HIGD2A: variants seen among roughly 807,000 people sequenced by gnomAD.
HIGD2A encodes HIG1 hypoxia inducible domain family member 2A, also known as HIG1 domain family member 2A, mitochondrial.
A neutral mutation model predicts 6.3 loss-of-function variants in HIGD2A; 4 were observed. The observed-to-expected ratio is 0.64, with a 90% CI of 0.31 to 1.46. The LOEUF is 1.46. Ranked by LOEUF, HIGD2A falls within the 40% of genes most tolerant of loss-of-function variation. The pLI is 0.07. For synonymous variants in HIGD2A, 63 were observed against 59.3 expected (o/e 1.06, Z -0.29); for missense variants, 143 against 144.8 (o/e 0.99, Z 0.06).
Position 176,389,501 on chromosome 5 carries a change from C to T in HIGD2A, c.*4C>T, listed in dbSNP as rs1287711042. On this transcript the variant is annotated 3_prime_UTR_variant, in exon 2 of 2. Coordinates refer to ENST00000274787, the MANE Select transcript of HIGD2A (RefSeq NM_138820.4). ...TGCTATGAAGTCTCGACCCTAAGCC[C>T]AGGGTCTGGCCTTGAAAGCTCCGCA... The T allele has an allele frequency of 1.2e-6, 2 of 1,610,490 alleles. No individual in the cohort carries two copies. Among genetic ancestry groups the T allele is most frequent in the South Asian group, 1.1e-5 (1 of 90,698 alleles).
intron 1 of HIGD2A, 93 bp from the exon 2 acceptor site, chr5:176,389,238 A>G (rs1345062806): frequency 8.4e-6 from 12 of 1,422,054 alleles, no homozygotes; most frequent in African/African-American, 1.4e-5. Context: ...GCTGTGATCC[A>G]GAGATCTTGG....
At chr5:176,389,308 C>T in intron 1 of HIGD2A, 23 bp from the exon 2 acceptor site, 1 of 1,602,008 alleles carries the variant, frequency 6.2e-7, no homozygotes, top group Non-Finnish European at 8.5e-7. Flanking sequence ...TGCTGTTTCC[C>T]AGTTGCTTTG....
rs1009817545 is a variant in HIGD2A, at chr5:176,389,644, C to T, written c.*147C>T. The T allele has an allele frequency of 4.7e-6, 4 of 844,228 alleles. No homozygotes were observed. The African/African-American group carries it at 6.9e-5, about 15-fold the overall frequency. 52.3% of individuals were successfully genotyped at this position (844,228 alleles called of 1,614,324 possible). A position where few individuals can be genotyped will look rare whatever the true frequency, so the allele number is the denominator to read the frequency against. ...GAAGTGACCCTTTGTGTAACTGTAA[C>T]CGAAAGTTTTTTCAAAAATCCTAGA... On this transcript the variant is annotated 3_prime_UTR_variant, in exon 2 of 2. Transcript: ENST00000274787.
Position 176,389,351 on chromosome 5 carries a change from G to C in HIGD2A, c.175G>C (p.Ala59Pro), listed in dbSNP as rs762897200. 5.6e-6 allele frequency: 9 copies of C among 1,613,504 alleles called. No individual in the cohort carries two copies. The highest frequency in any genetic ancestry group is 6.8e-6 in the Non-Finnish European group (8 of 1,179,746). ...CTCAGGTTGCCTGGCCACGGCGGCC[G>C]CCCTCACCTACGGCCTCTACTCCTT... The part of the protein sequence containing the change: ...VPIGCLATAA[A>P]LTYGLYSFHR... Residue 59 changes from alanine to proline, a missense_variant, in exon 2 of 2, where the codon GCC becomes CCC. Transcript: ENST00000274787.
intron 1 of HIGD2A, 90 bp downstream of exon 1, chr5:176,389,063 G>A: frequency 6.6e-7 from 1 of 1,514,232 alleles, no homozygotes; most frequent in Admixed American, 1.7e-5. Context: ...AGCGGGGAGC[G>A]GAAGGAGAGC....
rs766498061 is a variant in HIGD2A, at chr5:176,389,352, C to T, written c.176C>T (p.Ala59Val). ...TCAGGTTGCCTGGCCACGGCGGCCGCCCTCACCTACGGCCTCTACTCCTTC... is the reference window on the plus strand; with the variant it reads ...TCAGGTTGCCTGGCCACGGCGGCCGTCCTCACCTACGGCCTCTACTCCTTC... ...VPIGCLATAAALTYGLYSFHR... is the reference protein window; with the variant it reads ...VPIGCLATAAVLTYGLYSFHR... The change falls in exon 2 of 2, where the codon GCC becomes GTC. Residue 59 changes from alanine (A) to valine (V), a missense_variant. Ala to Val is a moderately conservative substitution (Grantham distance 64, BLOSUM62 0). Coordinates refer to ENST00000274787, the MANE Select transcript of HIGD2A (RefSeq NM_138820.4). 16 of 1,613,722 alleles carry T rather than the reference C, an allele frequency of 9.9e-6. No homozygotes were observed. The highest frequency in any genetic ancestry group is 1.3e-5 in the Non-Finnish European group (15 of 1,179,802).
At position 176,388,904 on chromosome 5, in the gene HIGD2A, T is replaced by A; in HGVS notation, c.85T>A (p.Tyr29Asn). Reference sequence around the variant, plus strand: ...CATTGAGGGGCTGAGCCCCACTGTTTACAGGAATCCAGAGAGTTTCAAGGA... The same window carrying A: ...CATTGAGGGGCTGAGCCCCACTGTTAACAGGAATCCAGAGAGTTTCAAGGA... Reference protein sequence around the residue: ...PVIEGLSPTVYRNPESFKEKF... With the variant: ...PVIEGLSPTVNRNPESFKEKF... The change falls in exon 1 of 2, where the codon TAC becomes AAC. Residue 29 changes from tyrosine to asparagine, a missense_variant. Transcript: ENST00000274787. 1 of 1,614,136 alleles carries A rather than the reference T, an allele frequency of 6.2e-7. No individual in the cohort carries two copies. Among genetic ancestry groups the A allele is most frequent in the Non-Finnish European group, 8.5e-7 (1 of 1,180,028 alleles).
Position 176,388,861 on chromosome 5 carries a change from A to G in HIGD2A, c.42A>G (p.Glu14=), listed in dbSNP as rs1756126016. The G allele has an allele frequency of 6.2e-7, 1 of 1,614,024 alleles. No individual in the cohort carries two copies. The highest frequency in any genetic ancestry group is 8.5e-7 in the Non-Finnish European group (1 of 1,179,996). The change falls in exon 1 of 2, where the codon GAA becomes GAG. Residue 14 remains glutamate (E), a synonymous_variant. Coordinates refer to ENST00000274787, the MANE Select transcript of HIGD2A (RefSeq NM_138820.4). ...CTGTGATTCCGGAGGTCCCCTTTGA[A>G]CCATCGAAGCCTCCAGTCATTGAGG... is the stretch of plus-strand genomic sequence containing the variant. The part of the protein sequence containing the change: ...PGPVIPEVPF[E]PSKPPVIEGL...
chr5:176,389,524 G>A lies in HIGD2A; in HGVS notation c.*27G>A, dbSNP rs1224216532. The A allele has an allele frequency of 6.3e-7, 1 of 1,588,640 alleles. No homozygotes were observed. The highest frequency in any genetic ancestry group is 2.3e-5 in the East Asian group (1 of 44,378). On this transcript the variant is annotated 3_prime_UTR_variant, in exon 2 of 2. Coordinates refer to ENST00000274787, the MANE Select transcript of HIGD2A (RefSeq NM_138820.4). ...CCCAGGGTCTGGCCTTGAAAGCTCC[G>A]CAGAAATGATTCCAAAACCCAGGGA...
In HIGD2A at chr5:176,389,023, G is replaced by C. The variant is rs767376978; in HGVS notation, c.154+50G>C. The C allele has an allele frequency of 1.2e-6, 2 of 1,603,604 alleles. 1 individual carries two copies. The highest frequency in any genetic ancestry group is 4.5e-5 in the East Asian group (2 of 44,828). ...ACAAGGAGAGGACAGTGATGTCGGA[G>C]GGAAGGAAGTAGAGAAGGACCAGAG... On this transcript the variant is annotated intron_variant, in intron 1 of 1. Transcript: ENST00000274787.
chr5:176,389,002 G>C, intron 1 of HIGD2A, 29 bp downstream of exon 1: 1 of 1,612,686 alleles, frequency 6.2e-7, no homozygotes. Flanking sequence ...AACTGCACAA[G>C]GAGAGGACAG....
Position 176,389,467 on chromosome 5 carries a change from G to A in HIGD2A, c.291G>A (p.Leu97=), listed in dbSNP as rs369990075. The change falls in exon 2 of 2, where the codon CTG becomes CTA. Residue 97 remains leucine (L), a synonymous_variant. Coordinates refer to ENST00000274787, the MANE Select transcript of HIGD2A (RefSeq NM_138820.4). ...GFTVAAILLG[L]AVTAMKSRP is the part of the protein sequence containing the mutation. ...CGGTCGCAGCCATCTTGCTGGGTCT[G>A]GCTGTCACTGCTATGAAGTCTCGAC... 3.1e-6 allele frequency: 5 copies of A among 1,614,058 alleles called. No homozygotes were observed. Among genetic ancestry groups the A allele is most frequent in the Non-Finnish European group, 4.2e-6 (5 of 1,179,972 alleles).
At position 176,389,644 on chromosome 5, in the gene HIGD2A, C is replaced by G. The variant is rs1009817545; in HGVS notation, c.*147C>G. Reference sequence around the variant, plus strand: ...GAAGTGACCCTTTGTGTAACTGTAACCGAAAGTTTTTTCAAAAATCCTAGA... The same window carrying G: ...GAAGTGACCCTTTGTGTAACTGTAAGCGAAAGTTTTTTCAAAAATCCTAGA... On this transcript the variant is annotated 3_prime_UTR_variant, in exon 2 of 2. Transcript: ENST00000274787. 4.7e-6 allele frequency: 4 copies of G among 844,350 alleles called. No individual in the cohort carries two copies. Among genetic ancestry groups the G allele is most frequent in the Non-Finnish European group, 7.0e-6 (4 of 568,052 alleles). The allele number at this position is 844,350 out of a possible 1,614,324, so 52.3% of individuals were successfully genotyped here. A position where few individuals can be genotyped will look rare whatever the true frequency, so the allele number is the denominator to read the frequency against.
Position 176,389,464 on chromosome 5 carries a change from T to G in HIGD2A, c.288T>G (p.Gly96=). 1 of 1,614,042 alleles carries G rather than the reference T, an allele frequency of 6.2e-7. No individual in the cohort carries two copies. Among genetic ancestry groups the G allele is most frequent in the Admixed American group, 1.7e-5 (1 of 60,022 alleles). ...QGFTVAAILL[G]LAVTAMKSRP is the part of the protein sequence containing the mutation. Reference sequence around the variant, plus strand: ...TCACGGTCGCAGCCATCTTGCTGGGTCTGGCTGTCACTGCTATGAAGTCTC... The same window carrying G: ...TCACGGTCGCAGCCATCTTGCTGGGGCTGGCTGTCACTGCTATGAAGTCTC... The change falls in exon 2 of 2, where the codon GGT becomes GGG. Residue 96 remains glycine, a synonymous_variant. Transcript: ENST00000274787.
At position 176,388,985 on chromosome 5, in the gene HIGD2A, C is replaced by T. The variant is rs1756137170; in HGVS notation, c.154+12C>T. 3 of 1,613,488 alleles carry T rather than the reference C, an allele frequency of 1.9e-6. No individual in the cohort carries two copies. Among genetic ancestry groups the T allele is most frequent in the East Asian group, 4.5e-5 (2 of 44,866 alleles). ...GGTGGTACCCATAGGTAAGTGGGTG[C>T]GGTAGGAACTGCACAAGGAGAGGAC... is the stretch of plus-strand genomic sequence containing the variant. On this transcript the variant is annotated intron_variant, in intron 1 of 1. Transcript: ENST00000274787.
chr5:176,389,286 C>T (rs750600000), intron 1 of HIGD2A, 45 bp from the exon 2 acceptor site: 3 of 1,578,838 alleles, frequency 1.9e-6, no homozygotes, highest in Non-Finnish European at 1.7e-6. Context: ...GAATGACCTG[C>T]GGGGCCCGAC....
chr5:176,388,974 G>A lies in HIGD2A; in HGVS notation c.154+1G>A, dbSNP rs1351632041. 1 of 1,613,888 alleles carries A rather than the reference G, an allele frequency of 6.2e-7. No individual in the cohort carries two copies. The highest frequency in any genetic ancestry group is 8.5e-7 in the Non-Finnish European group (1 of 1,179,954). On this transcript the variant is annotated splice_donor_variant, in intron 1 of 1. Transcript: ENST00000274787. LOFTEE classifies it high-confidence loss of function. Reference sequence around the variant, plus strand: ...CGCGAGAACCCGGTGGTACCCATAGGTAAGTGGGTGCGGTAGGAACTGCAC... The same window carrying A: ...CGCGAGAACCCGGTGGTACCCATAGATAAGTGGGTGCGGTAGGAACTGCAC...
In HIGD2A at chr5:176,389,451, C is replaced by G. The variant is rs1379788857; in HGVS notation, c.275C>G (p.Ala92Gly). The G allele has an allele frequency of 6.2e-7, 1 of 1,614,154 alleles. No individual in the cohort carries two copies. Among genetic ancestry groups the G allele is most frequent in the Admixed American group, 1.7e-5 (1 of 60,024 alleles). Reference protein sequence around the residue: ...RIAAQGFTVAAILLGLAVTAM... With the variant: ...RIAAQGFTVAGILLGLAVTAM... The stretch of plus-strand genomic sequence containing the variant: ...GCCGCCCAGGGTTTCACGGTCGCAG[C>G]CATCTTGCTGGGTCTGGCTGTCACT... The change falls in exon 2 of 2, where the codon GCC (alanine) becomes GGC (glycine). Residue 92 changes from alanine (A) to glycine (G), a missense_variant. Coordinates refer to ENST00000274787, the MANE Select transcript of HIGD2A (RefSeq NM_138820.4).
intron 1 of HIGD2A, 22 bp downstream of exon 1, chr5:176,388,995 T>G: frequency 6.2e-7 from 1 of 1,613,122 alleles, no homozygotes; most frequent in Non-Finnish European, 8.5e-7. Flanking sequence ...CGGTAGGAAC[T>G]GCACAAGGAG....
Sources: allele counts gnomAD v4.1 joint callset, GRCh38; gene constraint gnomAD v4.1.1; transcripts MANE v1.5; gene names NCBI Gene and HGNC (gene_info 2026-07-23, HGNC 2026-07-21).